GREB1L: variants seen among roughly 807,000 people sequenced by gnomAD.
GREB1L encodes GREB1 like retinoic acid receptor coactivator.
A neutral mutation model predicts 200.8 loss-of-function variants in GREB1L; 17 were observed. The observed-to-expected ratio is 0.08, with a 90% CI of 0.06 to 0.13. The LOEUF (loss-of-function observed/expected upper bound fraction) is 0.13. GREB1L is among the 10% of genes least tolerant of loss of function. GREB1L has a pLI of 1.00. For missense variants in GREB1L, 1,657 were observed against 2,367.7 expected (o/e 0.70, Z 6.23); for synonymous variants, 789 against 893.0 (o/e 0.88, Z 2.08).
chr18:21,461,614 A>G (rs751804365), intron 15 of GREB1L, among the ~76,000 whole-genome samples: 15 of 152,170 alleles, frequency 9.9e-5, no homozygotes, highest in Non-Finnish European at 1.9e-4. Flanking sequence ...TCTGGCTGCC[A>G]GGGCATGCTC....
At chr18:21,432,705 CTTTTTTTT>C (rs11380208) in intron 7 of GREB1L, among the ~76,000 whole-genome samples, 4 of 94,368 alleles carry the variant, frequency 4.2e-5, no homozygotes, top group Non-Finnish European at 6.0e-5. Context: ...TCTTTTTTTT[CTTTTTTTT>C]TTTTTTTTTT....
At chr18:21,397,857 T>A (rs1598757341) in intron 5 of GREB1L, among the ~76,000 whole-genome samples, 1 of 152,324 alleles carries the variant, frequency 6.6e-6, no homozygotes, top group South Asian at 2.1e-4. Flanking sequence ...ATGTACTGTG[T>A]GACAGAAATC....
At chr18:21,444,163 G>A (rs1343441797) in intron 10 of GREB1L, 61 bp from the exon 11 acceptor site, 1 of 1,222,998 alleles carries the variant, frequency 8.2e-7, no homozygotes, top group African/African-American at 1.5e-5. Flanking sequence ...TTGAGCAAGT[G>A]TACCTGGTTG....
At chr18:21,516,877 G>GTTTTTTT in intron 30 of GREB1L, 123 bp downstream of exon 30, 1 of 495,242 alleles carries the variant, frequency 2.0e-6, no homozygotes, top group Non-Finnish European at 3.4e-6. Context: ...ACACAAGGGA[G>GTTTTTTT]TTTTTTTTTT....
chr18:21,485,880 C>A, intron 18 of GREB1L, 127 bp downstream of exon 18: 1 of 773,526 alleles, frequency 1.3e-6, no homozygotes, highest in Non-Finnish European at 2.0e-6. Flanking sequence ...GTGCAAAGGC[C>A]AAATTAAAAC....
At chr18:21,268,522 T>TACACACAC (rs773384876) in intron 1 of GREB1L, among the ~76,000 whole-genome samples, 177 of 65,116 alleles carry the variant, frequency 2.7e-3, no homozygotes, top group Middle Eastern at 0.014. Flanking sequence ...TATATATATA[T>TACACACAC]ACACACACAC....
At chr18:21,496,941 T>A (rs1407310791) in intron 21 of GREB1L, among the ~76,000 whole-genome samples, 1 of 152,160 alleles carries the variant, frequency 6.6e-6, no homozygotes, top group Non-Finnish European at 1.5e-5. Flanking sequence ...TAAAAACAAT[T>A]TTATCAACCC....
At chr18:21,363,570 T>C (rs2039614212) in intron 1 of GREB1L, 1 of 152,116 alleles carries the variant, frequency 6.6e-6, no homozygotes, top group South Asian at 2.1e-4. Flanking sequence ...GATGTTATCT[T>C]TTGTTCACTC....
chr18:21,314,928 T>G (rs1279258380), intron 1 of GREB1L, among the ~76,000 whole-genome samples: 1 of 152,216 alleles, frequency 6.6e-6, no homozygotes, highest in Non-Finnish European at 1.5e-5. Flanking sequence ...GTCAGCTTCC[T>G]GTCTTGAAAC....
intron 15 of GREB1L, among the ~76,000 whole-genome samples, chr18:21,466,233 G>T (rs554835356): frequency 1.4e-4 from 22 of 152,064 alleles, no homozygotes; most frequent in African/African-American, 4.8e-4. Context: ...CTAGTTTTTT[G>T]ATTCCTTCAA....
rs73422053 is a variant in GREB1L at position 21,300,813 on chromosome 18, G to C, written c.-120+58420G>C. 7.5e-3 allele frequency among the ~76,000 whole-genome samples: 1,142 copies of C among 152,246 alleles called. 19 individuals are homozygous for C. Among genetic ancestry groups the C allele is most frequent in the African/African-American group, 0.026 (1,100 of 41,542 alleles). On this transcript the variant is annotated intron_variant, in intron 1 of 32. Coordinates refer to ENST00000424526, the MANE Select transcript of GREB1L (RefSeq NM_001142966.3). ...CCAACAGGACACACACACCATCCGTGTGTGAGGGGTGGTGGGGGGAGGGAG... is the reference window on the plus strand; with the variant it reads ...CCAACAGGACACACACACCATCCGTCTGTGAGGGGTGGTGGGGGGAGGGAG...
intron 1 of GREB1L, among the ~76,000 whole-genome samples, chr18:21,267,655 G>A (rs1264163758): frequency 6.6e-6 from 1 of 152,156 alleles, no homozygotes; most frequent in African/African-American, 2.4e-5. Flanking sequence ...AGTGCAAGAA[G>A]CAGTTGCTTG....
At chr18:21,509,125 C>T (rs2037137656) in intron 27 of GREB1L, among the ~76,000 whole-genome samples, 1 of 152,190 alleles carries the variant, frequency 6.6e-6, no homozygotes, top group African/African-American at 2.4e-5. Context: ...AGTTTAAGAG[C>T]AATGCGCTGA....
intron 4 of GREB1L, among the ~76,000 whole-genome samples, chr18:21,393,827 G>A (rs2144327328): frequency 6.6e-6 from 1 of 152,272 alleles, no homozygotes; most frequent in South Asian, 2.1e-4. Flanking sequence ...CTCCGAAAGT[G>A]CTGGGATTAC....
At chr18:21,393,459 G>C (rs755920831) in intron 4 of GREB1L, among the ~76,000 whole-genome samples, 10 of 151,638 alleles carry the variant, frequency 6.6e-5, no homozygotes, top group Non-Finnish European at 1.5e-4. Context: ...ACCATGCCTA[G>C]CTAATTTGTT....
intron 32 of GREB1L, among the ~76,000 whole-genome samples, chr18:21,521,633 C>A (rs947467600): frequency 6.6e-6 from 1 of 151,998 alleles, no homozygotes; most frequent in Non-Finnish European, 1.5e-5. Context: ...GATTGTCGCA[C>A]TGGAGGCTGC....
chr18:21,406,897 C>T (rs1430802936), intron 7 of GREB1L, among the ~76,000 whole-genome samples: 9 of 121,758 alleles, frequency 7.4e-5, no homozygotes, highest in East Asian at 2.4e-4. Flanking sequence ...TTTTTTGATA[C>T]GGAGTCTCAC....
intron 7 of GREB1L, among the ~76,000 whole-genome samples, chr18:21,409,912 A>G (rs1225037193): frequency 2.0e-5 from 3 of 152,124 alleles, no homozygotes; most frequent in African/African-American, 7.2e-5. Context: ...TTTGCAAACC[A>G]TGTATATTCT....
At chr18:21,432,380 G>A (rs1425142979) in intron 7 of GREB1L, among the ~76,000 whole-genome samples, 5 of 151,734 alleles carry the variant, frequency 3.3e-5, no homozygotes, top group African/African-American at 7.3e-5. Context: ...TAATAATTTG[G>A]CCTCTTCCAT....
Sources: allele counts gnomAD v4.1 joint callset (sites outside exome capture counted in the v4.1 genomes callset), GRCh38; gene constraint gnomAD v4.1.1; transcripts MANE v1.5; gene names NCBI Gene and HGNC (gene_info 2026-07-23, HGNC 2026-07-21).